PUS7: variants seen among roughly 807,000 people sequenced by gnomAD.
PUS7 encodes the protein pseudouridine synthase 7, also known as pseudouridylate synthase 7 homolog.
Under a neutral mutation model 79.8 loss-of-function variants are expected in PUS7, and 48 were observed. That is an observed-to-expected ratio of 0.60 (90% CI 0.48 to 0.76). The LOEUF (loss-of-function observed/expected upper bound fraction) is 0.76, where lower values mean the gene tolerates loss of function less well. Ranked by LOEUF, PUS7 falls within the 30% of genes least tolerant of loss-of-function variation. The pLI, the probability that PUS7 is intolerant of heterozygous loss-of-function variation, is 0.00. For synonymous variants in PUS7, 286 were observed against 272.2 expected (o/e 1.05, Z -0.50); for missense variants, 729 against 797.6 (o/e 0.91, Z 1.04).
At chr7:105,477,170 T>G (rs1233486131) in intron 9 of PUS7, among the ~76,000 whole-genome samples, 3 of 152,216 alleles carry the variant, frequency 2.0e-5, no homozygotes. Context: ...ATCATGAATT[T>G]TTCCCCATGT....
chr7:105,477,438 C>T (rs1017459571), intron 9 of PUS7, among the ~76,000 whole-genome samples: 5 of 151,662 alleles, frequency 3.3e-5, no homozygotes, highest in African/African-American at 9.7e-5. Context: ...TTAGTAGAGG[C>T]GGGATTTCAC....
In PUS7 at chr7:105,472,138, A is replaced by T. The variant is rs1212454524; in HGVS notation, c.1231T>A (p.Ser411Thr). 6.3e-7 allele frequency: 1 copy of T among 1,595,170 alleles called. No homozygotes were observed. The highest frequency in any genetic ancestry group is 1.1e-5 in the South Asian group (1 of 89,782). ...EVMDLILKPR[S>T]GAEKGYLVKC... ...ACATGAATTTTATTCTCACCTCCAG[A>T]GCGGGGTTTCAATATTAAATCCATG... The change falls in exon 10 of 16, where the codon TCT becomes ACT. Residue 411 changes from serine to threonine, a missense_variant. Physicochemically the swap from Ser to Thr is moderately conservative, Grantham distance 58. Transcript: ENST00000469408.
chr7:105,521,219 T>TAGAG (rs1826095233), intron 1 of PUS7, among the ~76,000 whole-genome samples: 1 of 151,760 alleles, frequency 6.6e-6, no homozygotes, highest in Admixed American at 6.6e-5. Flanking sequence ...CATAGATGAT[T>TAGAG]AGAGGCTTGG....
At chr7:105,491,955 G>A (rs1375420160) in intron 6 of PUS7, among the ~76,000 whole-genome samples, 1 of 151,100 alleles carries the variant, frequency 6.6e-6, no homozygotes, top group African/African-American at 2.4e-5. Flanking sequence ...TACTTGGAAG[G>A]CTGAGACAGG....
intron 2 of PUS7, among the ~76,000 whole-genome samples, chr7:105,507,553 T>C (rs926832938): frequency 4.6e-5 from 7 of 152,028 alleles, no homozygotes; most frequent in Non-Finnish European, 1.0e-4. Flanking sequence ...CATTTACTTA[T>C]TTTTTTGAGA....
At chr7:105,496,196 C>CATATAT (rs1159713098) in intron 5 of PUS7, among the ~76,000 whole-genome samples, 7 of 81,532 alleles carry the variant, frequency 8.6e-5, no homozygotes, top group East Asian at 8.2e-4. Flanking sequence ...CACACACACA[C>CATATAT]ATATATATAT....
chr7:105,497,102 G>GTTA (rs1039926227), intron 5 of PUS7: 10 of 498,206 alleles, frequency 2.0e-5, no homozygotes, highest in Non-Finnish European at 2.7e-5. Flanking sequence ...GCACCCGGTA[G>GTTA]TTATGCGGTG....
In PUS7 at chr7:105,512,207, T is replaced by C. The variant is rs192775526; in HGVS notation, c.-32-3663A>G. Among the ~76,000 whole-genome samples the C allele has an allele frequency of 1.5e-4, 15 of 103,318 alleles. No individual in the cohort carries two copies. The South Asian group carries it at 4.2e-3, about 29-fold the overall frequency. The allele number at this position is 103,318 out of a possible 152,430, so 67.8% of individuals were successfully genotyped here. A position where few individuals can be genotyped will look rare whatever the true frequency, so the allele number is the denominator to read the frequency against. ...AAGACAAGAAATTAAATACAGAAAA[T>C]GGAAGAAACTGAAACTGGAATAGAA... On this transcript the variant is annotated intron_variant, in intron 1 of 15. Transcript: ENST00000469408.
At position 105,456,626 on chromosome 7, in the gene PUS7, A is replaced by G. The variant is rs867903386; in HGVS notation, c.*1164T>C. The G allele has an allele frequency of 2.1e-4, 32 of 152,234 alleles. No homozygotes were observed. The highest frequency in any genetic ancestry group is 7.7e-4 in the African/African-American group (32 of 41,460). The allele number at this position is 152,234 out of a possible 1,614,324, so 9.4% of individuals were successfully genotyped here. A position where few individuals can be genotyped will look rare whatever the true frequency, so the allele number is the denominator to read the frequency against. ...ATAAAAATTGATACAATTTTGATAT[A>G]CAACTTTAGAAAGGCATATTTATCC... On this transcript the variant is annotated 3_prime_UTR_variant, in exon 16 of 16. Transcript: ENST00000469408.
At chr7:105,520,598 T>C (rs1002624967) in intron 1 of PUS7, among the ~76,000 whole-genome samples, 16 of 152,008 alleles carry the variant, frequency 1.1e-4, no homozygotes, top group South Asian at 2.1e-4. Context: ...GGCGTGCACA[T>C]GTAATCCCAG....
chr7:105,516,045 G>A (rs2133291580), intron 1 of PUS7, among the ~76,000 whole-genome samples: 1 of 152,024 alleles, frequency 6.6e-6, no homozygotes, highest in South Asian at 2.1e-4. Context: ...TCCTGACCTG[G>A]TGATCCGCCC....
chr7:105,459,214 T>G lies in PUS7; in HGVS notation c.1803A>C (p.Thr601=), dbSNP rs1318538351. The change falls in exon 15 of 16, where the codon ACA becomes ACC. Residue 601 remains threonine (T), a synonymous_variant. Transcript: ENST00000469408. The stretch of plus-strand genomic sequence containing the variant: ...TCTTCCCTTCTAGGTTGTCCACATC[T>G]GTGTTGAAAAGTGGAATTTTGGGAT... ...YDDPKIPLFN[T]DVDNLEGKTP... is the part of the protein sequence containing the mutation. The G allele has an allele frequency of 9.9e-6, 16 of 1,611,824 alleles. No homozygotes were observed. Among genetic ancestry groups the G allele is most frequent in the African/African-American group, 1.3e-5 (1 of 74,890 alleles).
intron 10 of PUS7, among the ~76,000 whole-genome samples, chr7:105,471,128 C>A (rs1216508768): frequency 3.3e-5 from 5 of 152,196 alleles, no homozygotes; most frequent in African/African-American, 4.8e-5. Context: ...CACGCTAGTA[C>A]TTTCTTCCTT....
intron 9 of PUS7, 113 bp from the exon 10 acceptor site, chr7:105,472,306 T>C: frequency 3.2e-6 from 2 of 624,786 alleles, no homozygotes; most frequent in Non-Finnish European, 2.8e-6. Context: ...AGCCTTGACC[T>C]CCCAGGCTCT....
At chr7:105,516,796 G>A (rs1254006700) in intron 1 of PUS7, among the ~76,000 whole-genome samples, 2 of 152,006 alleles carry the variant, frequency 1.3e-5, no homozygotes, top group Admixed American at 1.3e-4. Context: ...AGAGGAGAGA[G>A]AGGTGATCTT....
chr7:105,458,233 T>C (rs1007097577), intron 15 of PUS7, among the ~76,000 whole-genome samples: 1 of 151,960 alleles, frequency 6.6e-6, no homozygotes, highest in Non-Finnish European at 1.5e-5. Flanking sequence ...AGAACAAGAA[T>C]TTGATGATGA....
intron 7 of PUS7, among the ~76,000 whole-genome samples, chr7:105,488,028 T>C (rs1372634925): frequency 6.6e-6 from 1 of 151,940 alleles, no homozygotes; most frequent in East Asian, 1.9e-4. Context: ...AAACTAAGGG[T>C]GTAGCCTGTA....
intron 11 of PUS7, 136 bp downstream of exon 11, chr7:105,470,552 T>C: frequency 9.6e-7 from 1 of 1,040,872 alleles, no homozygotes; most frequent in Non-Finnish European, 1.3e-6. Context: ...ACTACTCAGG[T>C]GAAACACCTC....
intron 9 of PUS7, among the ~76,000 whole-genome samples, chr7:105,473,689 G>A (rs1408733680): frequency 1.3e-5 from 2 of 152,130 alleles, no homozygotes; most frequent in Non-Finnish European, 2.9e-5. Context: ...AAAGTGCTGG[G>A]ATTACAGGCA....
Sources: gnomAD v4.1 joint callset for allele counts (sites outside exome capture counted in the v4.1 genomes callset) on GRCh38, gnomAD v4.1.1 for gene constraint, MANE v1.5 for transcripts, NCBI Gene and HGNC (gene_info 2026-07-23, HGNC 2026-07-21) for gene names.